Variants in CCDC134 observed in about 807,000 individuals in gnomAD.
CCDC134 encodes coiled-coil domain containing 134.
A neutral mutation model predicts 25.6 loss-of-function variants in CCDC134; 27 were observed. The observed-to-expected ratio is 1.05, with a 90% CI of 0.78 to 1.45. CCDC134 has a LOEUF of 1.45. CCDC134 is among the 40% of genes most tolerant of loss of function. The pLI is 0.00. For missense variants in CCDC134, 261 were observed against 286.7 expected (o/e 0.91, Z 0.65); for synonymous variants, 110 against 115.0 (o/e 0.96, Z 0.28).
At chr22:41,809,365 C>T (rs905943325) in intron 2 of CCDC134, among the ~76,000 whole-genome samples, 1 of 152,164 alleles carries the variant, frequency 6.6e-6, no homozygotes, top group African/African-American at 2.4e-5. Context: ...TACAACAAGT[C>T]CCCTGGCTTT....
intron 1 of CCDC134, among the ~76,000 whole-genome samples, chr22:41,801,673 C>T (rs561128115): frequency 9.5e-4 from 145 of 152,238 alleles, no homozygotes; most frequent in African/African-American, 3.4e-3. Flanking sequence ...TTGATCAACT[C>T]TTATCCCTAC....
chr22:41,809,100 G>C, intron 2 of CCDC134, 107 bp downstream of exon 2: 1 of 856,306 alleles, frequency 1.2e-6, no homozygotes, highest in Admixed American at 2.6e-5. Context: ...CGGGAACAGG[G>C]AGAAAAGGTG....
intron 1 of CCDC134, among the ~76,000 whole-genome samples, chr22:41,807,539 GC>G (rs2076574125): frequency 6.8e-6 from 1 of 147,776 alleles, no homozygotes; most frequent in South Asian, 2.1e-4. Flanking sequence ...TCCAGCCTGG[GC>G]AGCAGAGCAG....
At chr22:41,810,046 C>T (rs140810110) in intron 3 of CCDC134, 46 bp downstream of exon 3, 16,288 of 1,610,924 alleles carry the variant, frequency 0.01, 117 homozygotes, top group Middle Eastern at 0.021. Context: ...AGTCTTTGAT[C>T]TAGGCACTGA....
At chr22:41,820,872 A>C (rs1179002733) in intron 6 of CCDC134, among the ~76,000 whole-genome samples, 1 of 152,136 alleles carries the variant, frequency 6.6e-6, no homozygotes, top group Non-Finnish European at 1.5e-5. Flanking sequence ...TATAAATGTG[A>C]GAGCCATGCC....
In CCDC134 at chr22:41,810,014, G is replaced by C; in HGVS notation, c.225+14G>C. The C allele has an allele frequency of 6.2e-6, 10 of 1,613,802 alleles. No homozygotes were observed. Among genetic ancestry groups the C allele is most frequent in the South Asian group, 1.1e-5 (1 of 91,062 alleles). On this transcript the variant is annotated intron_variant, in intron 3 of 6. Coordinates refer to ENST00000255784, the MANE Select transcript of CCDC134 (RefSeq NM_024821.5). Reference sequence around the variant, plus strand: ...GGGCTCTTTAAGGTGTGTGCAGGCAGGGGGCAGCTCATGGCAGGTCCAGTC... The same window carrying C: ...GGGCTCTTTAAGGTGTGTGCAGGCACGGGGCAGCTCATGGCAGGTCCAGTC...
At chr22:41,823,290 T>A (rs1010750171) in intron 6 of CCDC134, among the ~76,000 whole-genome samples, 2 of 145,796 alleles carry the variant, frequency 1.4e-5, no homozygotes, top group Non-Finnish European at 3.0e-5. Context: ...AGTGGTACAA[T>A]CTCAGCTCAC....
chr22:41,805,244 A>G (rs1163728970), intron 1 of CCDC134, among the ~76,000 whole-genome samples: 3 of 152,126 alleles, frequency 2.0e-5, no homozygotes, highest in Non-Finnish European at 4.4e-5. Flanking sequence ...CAACCTGGGA[A>G]ACATGCCCAA....
intron 1 of CCDC134, among the ~76,000 whole-genome samples, chr22:41,802,384 T>A (rs2076547785): frequency 1.9e-5 from 2 of 107,134 alleles, no homozygotes; most frequent in Admixed American, 1.5e-4. Context: ...AGACTAGGAG[T>A]CTCCAGTTGG....
intron 4 of CCDC134, among the ~76,000 whole-genome samples, chr22:41,811,891 C>A (rs2076598126): frequency 6.6e-6 from 1 of 152,122 alleles, no homozygotes. Flanking sequence ...CTGCAGAATA[C>A]CTTGGTGTGC....
chr22:41,831,888 T>C lies in CCDC134; in HGVS notation c.*6065T>C, dbSNP rs1158059721. The C allele has an allele frequency of 6.6e-6, 1 of 152,214 alleles. No individual in the cohort carries two copies. Among genetic ancestry groups the C allele is most frequent in the Non-Finnish European group, 1.5e-5 (1 of 68,030 alleles). The allele number at this position is 152,214 out of a possible 1,614,324, so 9.4% of individuals were successfully genotyped here. ...AGAGATGTTCAATAAATATTGTCAA[T>C]TGAATGTGCAAATAATCTCACTTAA... On this transcript the variant is annotated 3_prime_UTR_variant, in exon 7 of 7. Transcript: ENST00000255784.
intron 6 of CCDC134, among the ~76,000 whole-genome samples, chr22:41,817,989 A>T (rs1340931678): frequency 6.6e-6 from 1 of 152,172 alleles, no homozygotes; most frequent in East Asian, 1.9e-4. Context: ...CTGCCCATGG[A>T]CACCTGTGTC....
chr22:41,806,095 T>C (rs2076566104), intron 1 of CCDC134, among the ~76,000 whole-genome samples: 2 of 152,066 alleles, frequency 1.3e-5, no homozygotes, highest in Admixed American at 6.6e-5. Flanking sequence ...GTATTTAAGA[T>C]TACTTGTTAG....
Position 41,813,274 on chromosome 22 carries a change from C to A in CCDC134, c.321C>A (p.His107Gln). 6.2e-7 allele frequency: 1 copy of A among 1,614,160 alleles called. No homozygotes were observed. Among genetic ancestry groups the A allele is most frequent in the Non-Finnish European group, 8.5e-7 (1 of 1,180,014 alleles). ...QDEKLKDAFS[H>Q]VVENTAFFGD... ...GGGTCCTCTCGCCAGCTTTCTCCCACGTGGTGGAGAACACGGCCTTCTTCG... is the reference window on the plus strand; with the variant it reads ...GGGTCCTCTCGCCAGCTTTCTCCCAAGTGGTGGAGAACACGGCCTTCTTCG... The change falls in exon 5 of 7, where the codon CAC (histidine) becomes CAA (glutamine). Residue 107 changes from histidine to glutamine, a missense_variant. Physicochemically the swap from His to Gln is conservative, Grantham distance 24 (BLOSUM62 0). Coordinates refer to ENST00000255784, the MANE Select transcript of CCDC134 (RefSeq NM_024821.5).
intron 4 of CCDC134, among the ~76,000 whole-genome samples, chr22:41,810,581 C>T (rs973485611): frequency 4.1e-5 from 6 of 144,906 alleles, no homozygotes; most frequent in African/African-American, 1.3e-4. Context: ...CTGCAACCTC[C>T]ACTTCCCGCG....
At chr22:41,806,612 A>C (rs867741538) in intron 1 of CCDC134, among the ~76,000 whole-genome samples, 1 of 152,166 alleles carries the variant, frequency 6.6e-6, no homozygotes, top group Non-Finnish European at 1.5e-5. Context: ...GCAATACAGA[A>C]GGTTACCAGG....
Position 41,829,795 on chromosome 22 carries a change from A to G in CCDC134, c.*3972A>G, listed in dbSNP as rs988009848. Among the ~76,000 whole-genome samples, 3 of 150,550 alleles carry G rather than the reference A, an allele frequency of 2.0e-5. No homozygotes were observed. The highest frequency in any genetic ancestry group is 1.9e-4 in the East Asian group (1 of 5,164). On this transcript the variant is annotated 3_prime_UTR_variant, in exon 7 of 7. Transcript: ENST00000255784. ...TCTTTCTTTTTTTTCTTTTTTTTTG[A>G]GACAAGTCTCACTTTGTTGCCTGCC...
At chr22:41,806,564 A>T (rs1422268479) in intron 1 of CCDC134, among the ~76,000 whole-genome samples, 1 of 152,068 alleles carries the variant, frequency 6.6e-6, no homozygotes, top group African/African-American at 2.4e-5. Context: ...TCAGCAGTGG[A>T]CAAGGAAATT....
chr22:41,815,351 G>A (rs1042620561), intron 6 of CCDC134, among the ~76,000 whole-genome samples: 1 of 150,976 alleles, frequency 6.6e-6, no homozygotes, highest in Non-Finnish European at 1.5e-5. Flanking sequence ...GACTACAGGC[G>A]CCCGCCACCA....
Sources: gnomAD v4.1 joint callset for allele counts (sites outside exome capture counted in the v4.1 genomes callset) on GRCh38, gnomAD v4.1.1 for gene constraint, MANE v1.5 for transcripts, NCBI Gene and HGNC (gene_info 2026-07-23, HGNC 2026-07-21) for gene names.